Variants in CRYM observed in about 807,000 individuals in gnomAD.
CRYM encodes crystallin mu.
CRYM carries 18 observed loss-of-function variants against 32.9 expected under a neutral mutation model. That is an observed-to-expected ratio of 0.55 (90% CI 0.38 to 0.81). The LOEUF (loss-of-function observed/expected upper bound fraction) is 0.81. Among genes scored for constraint, CRYM ranks in the 30% least tolerant of loss-of-function variants. The pLI, the probability that CRYM is intolerant of heterozygous loss-of-function variation, is 0.00. For missense variants in CRYM, 337 were observed against 393.5 expected (o/e 0.86, Z 1.21); for synonymous variants, 153 against 152.4 (o/e 1.00, Z -0.03).
chr16:21,283,874 G>C (rs1359915048), intron 1 of CRYM: 2 of 152,378 alleles, frequency 1.3e-5, no homozygotes, highest in Non-Finnish European at 2.9e-5. Context: ...GGGCGGCTGC[G>C]CGGCGGGCCG....
chr16:21,259,160 G>A (rs1480566197), intron 7 of CRYM, among the ~76,000 whole-genome samples: 3 of 151,206 alleles, frequency 2.0e-5, no homozygotes, highest in South Asian at 2.1e-4. Flanking sequence ...GTGCAGTGGC[G>A]CGATTTTGGC....
intron 5 of CRYM, among the ~76,000 whole-genome samples, chr16:21,263,790 G>A (rs1292947263): frequency 6.6e-6 from 1 of 152,226 alleles, no homozygotes; most frequent in East Asian, 1.9e-4. Context: ...CTGGTCAGAG[G>A]GACTGGATTA....
chr16:21,282,652 A>G (rs1461027346), upstream of CRYM, among the ~76,000 whole-genome samples: 8 of 152,178 alleles, frequency 5.3e-5, no homozygotes, highest in Non-Finnish European at 1.2e-4. Flanking sequence ...TATTTTAACA[A>G]TGACAAAATA....
chr16:21,260,991 T>C, intron 7 of CRYM: 1 of 546,708 alleles, frequency 1.8e-6, no homozygotes, highest in Non-Finnish European at 3.3e-6. Flanking sequence ...TAACAGGTGG[T>C]GAGGAAACTG....
intron 5 of CRYM, among the ~76,000 whole-genome samples, chr16:21,265,682 G>C (rs899694635): frequency 6.6e-6 from 1 of 152,326 alleles, no homozygotes; most frequent in African/African-American, 2.4e-5. Context: ...GATTGAATGC[G>C]TCATCATTTG....
chr16:21,271,867 T>A (rs984520867), intron 3 of CRYM, among the ~76,000 whole-genome samples: 4 of 152,134 alleles, frequency 2.6e-5, no homozygotes, highest in African/African-American at 9.7e-5. Context: ...TTTAAAATTT[T>A]TTTTTTTTTC....
chr16:21,278,240 T>A lies in CRYM; in HGVS notation c.12A>T (p.Val4=). The A allele has an allele frequency of 1.9e-6, 3 of 1,584,174 alleles. No homozygotes were observed. The highest frequency in any genetic ancestry group is 2.6e-6 in the Non-Finnish European group (3 of 1,168,634). The change falls in exon 1 of 8, where the codon GTA becomes GTT. Residue 4 remains valine, a synonymous_variant. Transcript: ENST00000572914. The part of the protein sequence containing the change: MSR[V]PAFLSAAEVE... The stretch of plus-strand genomic sequence containing the variant: ...CCTCGGCCGCGCTCAGGAACGCTGG[T>A]ACCCGGCTCATCTCGCCACCTGTGC...
At chr16:21,295,358 C>A (rs562850435) in intron 1 of CRYM, among the ~76,000 whole-genome samples, 2 of 152,286 alleles carry the variant, frequency 1.3e-5, no homozygotes, top group South Asian at 4.1e-4. Flanking sequence ...TTTTAATAAT[C>A]TCCATTCTGA....
Position 21,267,637 on chromosome 16 carries a change from C to T in CRYM, c.590G>A (p.Gly197Asp). The change falls in exon 5 of 8, where the codon GGT becomes GAT. Residue 197 changes from glycine (G) to aspartate (D), a missense_variant. Coordinates refer to ENST00000572914, the MANE Select transcript of CRYM (RefSeq NM_001376256.1). ...GGTGACTGTGATGATCACATCTGCA[C>T]CTGCCACAGCCTCCTGGACCGAAGA... ...VCSSVQEAVA[G>D]ADVIITVTLA... The T allele has an allele frequency of 6.2e-7, 1 of 1,614,204 alleles. No homozygotes were observed.
chr16:21,288,474 C>T (rs2093410973), intron 1 of CRYM, among the ~76,000 whole-genome samples: 1 of 149,840 alleles, frequency 6.7e-6, no homozygotes, highest in Non-Finnish European at 1.5e-5. Flanking sequence ...GTAGTAATGT[C>T]TTCTCTTAGT....
chr16:21,278,608 TGCTGCTGTCTAG>T (rs1433916415), upstream of CRYM: 3 of 345,424 alleles, frequency 8.7e-6, no homozygotes, highest in Non-Finnish European at 1.6e-5. Flanking sequence ...ACTCGCTTTT[TGCTGCTGTCTAG>T]GTCACCGTGC....
At position 21,277,294 on chromosome 16, in the gene CRYM, C is replaced by T. The variant is rs1046622922; in HGVS notation, c.324+137G>A. 7.9e-6 allele frequency: 7 copies of T among 891,554 alleles called. No individual in the cohort carries two copies. In the Admixed American group the frequency reaches 8.2e-5, roughly 10 times the overall value. The allele number at this position is 891,554 out of a possible 1,614,324, so 55.2% of individuals were successfully genotyped here. ...GATACATGGACACAGATAACCTTCA[C>T]TGTTGCTGGTATCCAGTCACTTGCA... On this transcript the variant is annotated intron_variant, in intron 2 of 7. Coordinates refer to ENST00000572914, the MANE Select transcript of CRYM (RefSeq NM_001376256.1). This position sits in a 1 kb window ranked among gnomAD's most constrained non-coding sequence, Gnocchi z 4.2.
intron 1 of CRYM, among the ~76,000 whole-genome samples, chr16:21,293,052 T>TAGAC (rs1366456014): frequency 6.6e-6 from 1 of 151,910 alleles, no homozygotes; most frequent in African/African-American, 2.4e-5. Context: ...GATAGATAGA[T>TAGAC]AGATAGAATA....
In CRYM at chr16:21,258,725, T is replaced by C. The variant is rs551983588; in HGVS notation, c.*56A>G. The C allele has an allele frequency of 2.0e-6, 3 of 1,470,252 alleles. No homozygotes were observed. Among genetic ancestry groups the C allele is most frequent in the East Asian group, 4.5e-5 (2 of 44,162 alleles). The allele number at this position is 1,470,252 out of a possible 1,614,324, so 91.1% of individuals were successfully genotyped here. ...ACTCCCTCATTTACTCTAGAAATTA[T>C]GAGAACCAGCAGCAATATTCCTCAA... On this transcript the variant is annotated 3_prime_UTR_variant, in exon 8 of 8. Transcript: ENST00000572914.
intron 1 of CRYM, among the ~76,000 whole-genome samples, chr16:21,295,028 A>G (rs1461632218): frequency 6.6e-6 from 1 of 152,132 alleles, no homozygotes; most frequent in African/African-American, 2.4e-5. Flanking sequence ...ATAGTATTCC[A>G]TGGTATATAT....
rs1005119371 is a variant in CRYM, at chr16:21,270,754, G to T, written c.388-863C>A. Among the ~76,000 whole-genome samples, 64 of 152,102 alleles carry T rather than the reference G, an allele frequency of 4.2e-4. 3 individuals carry two copies. Among genetic ancestry groups the T allele is most frequent in the Non-Finnish European group, 1.0e-4 (7 of 68,014 alleles). On this transcript the variant is annotated intron_variant, in intron 3 of 7. Coordinates refer to ENST00000572914, the MANE Select transcript of CRYM (RefSeq NM_001376256.1). ...GATTCTGTGAGCCCTTCCTTCCCAGGGTTCTAGCTATATTCACTGGGCCAA... is the reference window on the plus strand; with the variant it reads ...GATTCTGTGAGCCCTTCCTTCCCAGTGTTCTAGCTATATTCACTGGGCCAA...
intron 1 of CRYM, among the ~76,000 whole-genome samples, chr16:21,287,327 T>C (rs1449067324): frequency 1.3e-5 from 2 of 152,290 alleles, no homozygotes; most frequent in East Asian, 3.9e-4. Flanking sequence ...TTGGTAGAGT[T>C]TGAGAAGGTA....
chr16:21,298,098 A>G (rs1158394756), intron 1 of CRYM, among the ~76,000 whole-genome samples: 1 of 152,208 alleles, frequency 6.6e-6, no homozygotes, highest in African/African-American at 2.4e-5. Flanking sequence ...ATGCTGAGTT[A>G]GGTGTTTGTC....
At chr16:21,268,243 T>G (rs1356398996) in intron 4 of CRYM, among the ~76,000 whole-genome samples, 2 of 152,166 alleles carry the variant, frequency 1.3e-5, no homozygotes, top group Non-Finnish European at 2.9e-5. Flanking sequence ...GGGTGGGAGA[T>G]TCATATGAAG....
Sources: allele counts gnomAD v4.1 joint callset (sites outside exome capture counted in the v4.1 genomes callset), GRCh38; gene constraint gnomAD v4.1.1; non-coding constraint Gnocchi (gnomAD v3.1); transcripts MANE v1.5; gene names NCBI Gene and HGNC (gene_info 2026-07-23, HGNC 2026-07-21).